HECW2: variants seen among roughly 807,000 people sequenced by gnomAD.
The protein encoded by HECW2 is E3 ubiquitin-protein ligase HECW2.
A neutral mutation model predicts 175.2 loss-of-function variants in HECW2; 61 were observed. The ratio of observed to expected loss-of-function variants is 0.35; its 90% CI spans 0.28 to 0.43. The LOEUF (loss-of-function observed/expected upper bound fraction) is 0.43, where lower values mean the gene tolerates loss of function less well. Among genes scored for constraint, HECW2 ranks in the 20% least tolerant of loss-of-function variants. The pLI is 1.00. For missense variants in HECW2, 1,524 were observed against 2,000.5 expected, an observed-to-expected ratio of 0.76 and a Z score of 4.54; for synonymous variants, 671 against 731.0, an observed-to-expected ratio of 0.92 and a Z score of 1.32.
At chr2:196,421,506 C>G (rs1181237251) in intron 2 of HECW2, among the ~76,000 whole-genome samples, 4 of 152,126 alleles carry the variant, frequency 2.6e-5, no homozygotes, top group Non-Finnish European at 5.9e-5. Flanking sequence ...GGTGTGTCCA[C>G]TATTTAGTCC....
chr2:196,362,731 T>C (rs1026644498), intron 2 of HECW2, among the ~76,000 whole-genome samples: 2 of 152,216 alleles, frequency 1.3e-5, no homozygotes, highest in Non-Finnish European at 2.9e-5. Context: ...GCTCTTGTCT[T>C]ATACTGGAAA....
intron 2 of HECW2, among the ~76,000 whole-genome samples, chr2:196,368,857 T>C (rs922567602): frequency 1.3e-5 from 2 of 152,172 alleles, no homozygotes; most frequent in Non-Finnish European, 2.9e-5. Context: ...ACTTATCTGA[T>C]AGGATTCAAA....
chr2:196,359,852 C>G (rs568337855), intron 2 of HECW2, among the ~76,000 whole-genome samples: 1 of 152,306 alleles, frequency 6.6e-6, no homozygotes, highest in African/African-American at 2.4e-5. Context: ...CCTGTAATAC[C>G]AGCACTTTGG....
chr2:196,362,787 T>C (rs1015361557), intron 2 of HECW2, among the ~76,000 whole-genome samples: 1 of 152,172 alleles, frequency 6.6e-6, no homozygotes, highest in African/African-American at 2.4e-5. Flanking sequence ...CATTCTTTAA[T>C]GGAGAAAGGG....
At chr2:196,525,655 T>A (rs1234663475) in intron 1 of HECW2, among the ~76,000 whole-genome samples, 20 of 143,848 alleles carry the variant, frequency 1.4e-4, no homozygotes, top group African/African-American at 2.4e-4. Context: ...CTTCAGGAGC[T>A]CTTTTAGGGC....
At chr2:196,281,488 A>C (rs1236966325) in intron 14 of HECW2, among the ~76,000 whole-genome samples, 2 of 151,766 alleles carry the variant, frequency 1.3e-5, no homozygotes, top group Non-Finnish European at 2.9e-5. Flanking sequence ...ATATTCAAAA[A>C]TTATCCGGGC....
chr2:196,537,922 T>G (rs1689074344), intron 1 of HECW2, among the ~76,000 whole-genome samples: 1 of 152,208 alleles, frequency 6.6e-6, no homozygotes, highest in African/African-American at 2.4e-5. Context: ...AACCTCCTAC[T>G]CTGTCTGTGG....
At chr2:196,471,989 A>AG (rs957660895) in intron 1 of HECW2, among the ~76,000 whole-genome samples, 3 of 151,978 alleles carry the variant, frequency 2.0e-5, no homozygotes, top group African/African-American at 4.8e-5. Flanking sequence ...AAAAAAAAAA[A>AG]AAAAGAAAAG....
intron 2 of HECW2, among the ~76,000 whole-genome samples, chr2:196,423,378 C>T (rs1695455881): frequency 6.6e-6 from 1 of 152,078 alleles, no homozygotes; most frequent in South Asian, 2.1e-4. Flanking sequence ...ACTGAATTTA[C>T]TAATGTGTCT....
chr2:196,508,037 T>C (rs1335590449), intron 1 of HECW2, among the ~76,000 whole-genome samples: 1 of 152,260 alleles, frequency 6.6e-6, no homozygotes, highest in African/African-American at 2.4e-5. Flanking sequence ...GTTTTAAATA[T>C]TGTTTTCTTA....
chr2:196,515,437 G>A (rs1688114024), intron 1 of HECW2, among the ~76,000 whole-genome samples: 1 of 152,200 alleles, frequency 6.6e-6, no homozygotes. Context: ...ACACCCTAAC[G>A]ATCTCATGAC....
chr2:196,201,629 C>T (rs77912781), intron 28 of HECW2, among the ~76,000 whole-genome samples: 4,236 of 152,134 alleles, frequency 0.028, 212 homozygotes, highest in African/African-American at 0.097. Context: ...TACATTTCAC[C>T]ACCATTTAAA....
At chr2:196,201,795 G>T (rs1025962934) in intron 28 of HECW2, among the ~76,000 whole-genome samples, 12 of 151,996 alleles carry the variant, frequency 7.9e-5, no homozygotes, top group African/African-American at 2.9e-4. Context: ...ATGCCTGGGT[G>T]TCTCTTCGAT....
intron 2 of HECW2, among the ~76,000 whole-genome samples, chr2:196,418,456 T>C (rs539977966): frequency 1.2e-4 from 19 of 152,148 alleles, no homozygotes; most frequent in Non-Finnish European, 2.2e-4. Context: ...CCATCAATAA[T>C]CTCAAAACAG....
chr2:196,235,815 C>A (rs186953969), intron 21 of HECW2, among the ~76,000 whole-genome samples: 1 of 151,710 alleles, frequency 6.6e-6, no homozygotes, highest in Non-Finnish European at 1.5e-5. Flanking sequence ...CGCCACCATG[C>A]CCGGCTAATT....
At chr2:196,474,710 C>G in intron 1 of HECW2, among the ~76,000 whole-genome samples, 1 of 152,186 alleles carries the variant, frequency 6.6e-6, no homozygotes, top group East Asian at 1.9e-4. Flanking sequence ...CATTCTATCT[C>G]CATTGCCATC....
intron 1 of HECW2, among the ~76,000 whole-genome samples, chr2:196,520,456 T>C (rs1455346183): frequency 6.6e-6 from 1 of 152,254 alleles, no homozygotes; most frequent in Non-Finnish European, 1.5e-5. Flanking sequence ...TATCATGTAA[T>C]GTGCACCTTA....
At chr2:196,446,229 T>C (rs1294959773) in intron 1 of HECW2, among the ~76,000 whole-genome samples, 1 of 152,186 alleles carries the variant, frequency 6.6e-6, no homozygotes, top group Non-Finnish European at 1.5e-5. Context: ...CCTCTGCTCT[T>C]CTCTTCAGTA....
chr2:196,313,816 C>T (rs1386738316), intron 10 of HECW2, among the ~76,000 whole-genome samples: 1 of 152,088 alleles, frequency 6.6e-6, no homozygotes, highest in Non-Finnish European at 1.5e-5. Context: ...CTTTGGGAGG[C>T]CAAGGTGGGA....
Sources: gnomAD v4.1 joint callset for allele counts (sites outside exome capture counted in the v4.1 genomes callset) on GRCh38, gnomAD v4.1.1 for gene constraint, MANE v1.5 for transcripts, NCBI Gene and HGNC (gene_info 2026-07-23, HGNC 2026-07-21) for gene names.